The following KHDRBS2 variants were observed in gnomAD, a reference collection of about 807,000 sequenced individuals.
The protein encoded by KHDRBS2 is KH RNA binding domain containing, signal transduction associated 2.
Under a neutral mutation model 44.3 loss-of-function variants are expected in KHDRBS2, and 26 were observed. The ratio of observed to expected loss-of-function variants is 0.59; its 90% CI spans 0.43 to 0.81. The LOEUF (loss-of-function observed/expected upper bound fraction) is 0.81. Ranked by LOEUF, KHDRBS2 falls within the 40% of genes least tolerant of loss-of-function variation. KHDRBS2 has a pLI of 0.00. For synonymous variants in KHDRBS2, 194 were observed against 151.1 expected (o/e 1.28, Z -2.08); for missense variants, 476 against 433.1 (o/e 1.10, Z -0.88).
intron 3 of KHDRBS2, among the ~76,000 whole-genome samples, chr6:62,001,119 T>C (rs1039807458): frequency 2.0e-5 from 3 of 152,198 alleles, no homozygotes; most frequent in Admixed American, 1.3e-4. Context: ...CTGGTCACCT[T>C]ACTTGAGGAC....
chr6:61,662,950 C>T, the KHDRBS2 span, among the ~76,000 whole-genome samples: 4,605 of 151,824 alleles, frequency 0.03, 230 homozygotes, highest in African/African-American at 0.11. Context: ...CACATGCACA[C>T]GTATGTTTAT....
chr6:61,711,906 T>A (rs1424212800), intron 7 of KHDRBS2, among the ~76,000 whole-genome samples: 1 of 151,844 alleles, frequency 6.6e-6, no homozygotes, highest in Non-Finnish European at 1.5e-5. Context: ...AATATCAACA[T>A]CATACAACAA....
At chr6:61,631,086 G>T in the KHDRBS2 span, among the ~76,000 whole-genome samples, 1 of 151,836 alleles carries the variant, frequency 6.6e-6, no homozygotes, top group Non-Finnish European at 1.5e-5. Context: ...AAGATAAGAG[G>T]GAAAGGCAGC....
At chr6:62,172,745 T>C (rs1328450336) in intron 2 of KHDRBS2, among the ~76,000 whole-genome samples, 1 of 147,024 alleles carries the variant, frequency 6.8e-6, no homozygotes, top group Non-Finnish European at 1.5e-5. Flanking sequence ...AGCATGCTCT[T>C]GGACCACAGC....
chr6:61,626,254 TA>T, the KHDRBS2 span, among the ~76,000 whole-genome samples: 1 of 152,198 alleles, frequency 6.6e-6, no homozygotes, highest in Admixed American at 6.5e-5. Flanking sequence ...CAGAAAAAGA[TA>T]AAAAACCATA....
chr6:61,802,165 A>G (rs1223323482), intron 6 of KHDRBS2, among the ~76,000 whole-genome samples: 3 of 152,150 alleles, frequency 2.0e-5, no homozygotes, highest in African/African-American at 7.2e-5. Flanking sequence ...TCATGACCAC[A>G]TGAGCTTGAA....
chr6:61,574,582 C>T, the KHDRBS2 span, among the ~76,000 whole-genome samples: 89,841 of 151,948 alleles, frequency 0.59, 26,767 homozygotes, highest in Non-Finnish European at 0.61. Context: ...CGAGTTACCA[C>T]GTACAATTGA....
intron 2 of KHDRBS2, among the ~76,000 whole-genome samples, chr6:62,168,379 C>T (rs1239268217): frequency 6.6e-6 from 1 of 152,068 alleles, no homozygotes; most frequent in Non-Finnish European, 1.5e-5. Flanking sequence ...CTTTTAAAGG[C>T]ACTGAGAGGC....
intron 4 of KHDRBS2, among the ~76,000 whole-genome samples, chr6:61,970,063 T>G (rs1275519887): frequency 2.6e-5 from 4 of 151,928 alleles, no homozygotes. Flanking sequence ...AGGAAACAGA[T>G]TTTGGAAAGT....
intron 3 of KHDRBS2, among the ~76,000 whole-genome samples, chr6:62,028,139 G>A (rs535936213): frequency 6.6e-6 from 1 of 152,178 alleles, no homozygotes; most frequent in South Asian, 2.1e-4. Flanking sequence ...AGGACATCCT[G>A]CCAGTGTCAG....
At chr6:62,192,038 T>C (rs1824735610) in intron 1 of KHDRBS2, among the ~76,000 whole-genome samples, 1 of 152,084 alleles carries the variant, frequency 6.6e-6, no homozygotes, top group Non-Finnish European at 1.5e-5. Flanking sequence ...GGTTATATTG[T>C]AGAAAGCTGT....
At chr6:61,850,145 T>C (rs1795220058) in intron 6 of KHDRBS2, among the ~76,000 whole-genome samples, 1 of 151,994 alleles carries the variant, frequency 6.6e-6, no homozygotes, top group African/African-American at 2.4e-5. Flanking sequence ...TCCTACAAGG[T>C]AGAATGGAGA....
At chr6:62,177,365 T>C (rs1821354637) in intron 1 of KHDRBS2, 53 bp from the exon 2 acceptor site, 3 of 1,368,176 alleles carry the variant, frequency 2.2e-6, no homozygotes, top group South Asian at 2.6e-5. Flanking sequence ...AATGTTATCA[T>C]AAATATGCTG....
chr6:61,808,405 A>G (rs1010035126), intron 6 of KHDRBS2, among the ~76,000 whole-genome samples: 2 of 152,134 alleles, frequency 1.3e-5, no homozygotes, highest in Non-Finnish European at 2.9e-5. Flanking sequence ...ACATGAAACT[A>G]TATCCAGAAT....
At chr6:61,677,774 TGGG>T (rs1766027103), downstream of KHDRBS2, among the ~76,000 whole-genome samples, 6 of 151,886 alleles carry the variant, frequency 4.0e-5, no homozygotes, top group Non-Finnish European at 8.8e-5. Flanking sequence ...CAGGGCCCAC[TGGG>T]CTTCTGCTTT....
chr6:62,097,638 T>C (rs1009515640), intron 2 of KHDRBS2, among the ~76,000 whole-genome samples: 1 of 152,108 alleles, frequency 6.6e-6, no homozygotes, highest in Non-Finnish European at 1.5e-5. Context: ...GGTGAGTTTC[T>C]TGTATATATT....
rs192526682 is a variant in KHDRBS2 at position 61,748,744 on chromosome 6, G to A, written c.811-15980C>T. On this transcript the variant is annotated intron_variant, in intron 6 of 8. Coordinates refer to ENST00000281156, the MANE Select transcript of KHDRBS2 (RefSeq NM_152688.4). The stretch of plus-strand genomic sequence containing the variant: ...AGTGATTCATTTCTTTCCAAATTTC[G>A]CATTGTGTTTGTTTATAATGTTAAA... Among the ~76,000 whole-genome samples, 136 of 151,802 alleles carry A rather than the reference G, an allele frequency of 9.0e-4. 1 individual carries two copies. The highest frequency in any genetic ancestry group is 1.5e-3 in the Non-Finnish European group (103 of 67,926).
rs149725809 is a variant in KHDRBS2, at chr6:62,004,781, C to T, written c.337-26569G>A. Among the ~76,000 whole-genome samples the T allele has an allele frequency of 8.9e-3, 1,351 of 152,024 alleles. 20 individuals are homozygous for T. Among genetic ancestry groups the T allele is most frequent in the African/African-American group, 0.031 (1,266 of 41,454 alleles). ...AATCCTCAATAAAATACTGGCAAAC[C>T]GAATCTGGCAACACATCAAAAAGCT... is the stretch of plus-strand genomic sequence containing the variant. On this transcript the variant is annotated intron_variant, in intron 3 of 8. Transcript: ENST00000281156.
At chr6:61,554,862 TCTGCTGTAAGG>T in the KHDRBS2 span, among the ~76,000 whole-genome samples, 2 of 152,206 alleles carry the variant, frequency 1.3e-5, no homozygotes, top group African/African-American at 4.8e-5. Flanking sequence ...TTATAGGATT[TCTGCTGTAAGG>T]CCCACTGTTA....
Sources: allele counts gnomAD v4.1 joint callset (sites outside exome capture counted in the v4.1 genomes callset), GRCh38; gene constraint gnomAD v4.1.1; transcripts MANE v1.5; gene names NCBI Gene and HGNC (gene_info 2026-07-23, HGNC 2026-07-21).